TMC7: variants seen among roughly 807,000 people sequenced by gnomAD.
The protein encoded by TMC7 is transmembrane channel-like protein 7.
A neutral mutation model predicts 82.9 loss-of-function variants in TMC7; 54 were observed. That is an observed-to-expected ratio of 0.65 (90% CI 0.52 to 0.82). The LOEUF is 0.82. Among genes scored for constraint, TMC7 ranks in the 40% least tolerant of loss-of-function variants. The pLI is 0.00. For synonymous variants in TMC7, 350 were observed against 337.9 expected, an observed-to-expected ratio of 1.04 and a Z score of -0.39; for missense variants, 820 against 901.2, an observed-to-expected ratio of 0.91 and a Z score of 1.15.
chr16:19,048,919 T>G (rs1002909176), intron 12 of TMC7, among the ~76,000 whole-genome samples: 1 of 152,204 alleles, frequency 6.6e-6, no homozygotes, highest in Middle Eastern at 3.2e-3. Context: ...ATAATGGTGT[T>G]AGTAATAATA....
At chr16:18,986,407 A>AG (rs1461550101) in intron 1 of TMC7, among the ~76,000 whole-genome samples, 1 of 150,916 alleles carries the variant, frequency 6.6e-6, no homozygotes, top group Non-Finnish European at 1.5e-5. Context: ...AAAAAAAAAA[A>AG]AAGATGGGTA....
chr16:19,003,737 A>C (rs2039184410), intron 1 of TMC7, among the ~76,000 whole-genome samples: 1 of 88,610 alleles, frequency 1.1e-5, no homozygotes, highest in Non-Finnish European at 2.2e-5. Flanking sequence ...CTTACCCCCA[A>C]CCCTGTGCTC....
rs1960952382 is a variant in TMC7, at chr16:19,040,292, A to G, written c.1183A>G (p.Ile395Val). ...VFSQEHMKKEIDKMVFGENLF... is the reference protein window; with the variant it reads ...VFSQEHMKKEVDKMVFGENLF... Reference sequence around the variant, plus strand: ...ATAAGTTTTGTTATCCTCCTAGGAAATCGACAAGATGGTTTTTGGAGAGAA... The same window carrying G: ...ATAAGTTTTGTTATCCTCCTAGGAAGTCGACAAGATGGTTTTTGGAGAGAA... The change falls in exon 9 of 16, where the codon ATC becomes GTC. Residue 395 changes from isoleucine (I) to valine (V), a missense_variant. Ile to Val is a conservative substitution (Grantham distance 29). This residue lies in a region of TMC7 where 650 missense variants were observed against 669.9 expected (regional missense o/e 0.97). Coordinates refer to ENST00000304381, the MANE Select transcript of TMC7 (RefSeq NM_024847.4). 5 of 1,613,150 alleles carry G rather than the reference A, an allele frequency of 3.1e-6. No individual in the cohort carries two copies. The highest frequency in any genetic ancestry group is 3.4e-6 in the Non-Finnish European group (4 of 1,179,776).
At chr16:19,005,925 CA>C (rs2039232120) in intron 1 of TMC7, among the ~76,000 whole-genome samples, 1 of 152,168 alleles carries the variant, frequency 6.6e-6, no homozygotes, top group African/African-American at 2.4e-5. Flanking sequence ...GGGCCCCAGC[CA>C]CGTGTCCATG....
chr16:19,019,331 T>C (rs115015925), intron 3 of TMC7, among the ~76,000 whole-genome samples: 2,037 of 152,342 alleles, frequency 0.013, 38 homozygotes, highest in African/African-American at 0.045. Flanking sequence ...TACCTTTTTA[T>C]TGTTGTTTTA....
At chr16:19,007,883 G>T (rs1197519477) in intron 1 of TMC7, among the ~76,000 whole-genome samples, 2 of 151,454 alleles carry the variant, frequency 1.3e-5, no homozygotes, top group Non-Finnish European at 2.9e-5. Flanking sequence ...TAACTGCCGC[G>T]TGAGTAGGGC....
At chr16:19,002,627 A>C (rs1362962996) in intron 1 of TMC7, among the ~76,000 whole-genome samples, 1 of 152,156 alleles carries the variant, frequency 6.6e-6, no homozygotes, top group African/African-American at 2.4e-5. Context: ...TGGCAGAAAA[A>C]TTGGCTATGC....
At chr16:19,027,583 A>G (rs912517698) in intron 5 of TMC7, among the ~76,000 whole-genome samples, 1 of 152,108 alleles carries the variant, frequency 6.6e-6, no homozygotes, top group African/African-American at 2.4e-5. Context: ...TTTCCCCTGT[A>G]ATTGTTACAT....
intron 1 of TMC7, among the ~76,000 whole-genome samples, chr16:18,988,356 T>C (rs551328144): frequency 1.1e-4 from 16 of 151,588 alleles, no homozygotes; most frequent in African/African-American, 3.9e-4. Flanking sequence ...TACTTCACCA[T>C]GTTGGCCAGG....
At chr16:19,037,681 A>C (rs1371617212) in intron 7 of TMC7, among the ~76,000 whole-genome samples, 193 bp from the exon 8 acceptor site, 3 of 151,976 alleles carry the variant, frequency 2.0e-5, no homozygotes, top group Non-Finnish European at 4.4e-5. Context: ...CTATGTTGCC[A>C]GGGTTGGTCT....
intron 6 of TMC7, 109 bp downstream of exon 6, chr16:19,030,478 T>C (rs1435567516): frequency 1.6e-6 from 2 of 1,275,886 alleles, no homozygotes; most frequent in Non-Finnish European, 2.1e-6. Context: ...AGTCCAATGA[T>C]GGGTTTTGTG....
In TMC7 at chr16:19,044,109, C is replaced by CCACCCAACTGGG. The variant is rs1961147825; in HGVS notation, c.1338-774_1338-773insACCCAACTGGGC. On this transcript the variant is annotated intron_variant, in intron 9 of 15. Coordinates refer to ENST00000304381, the MANE Select transcript of TMC7 (RefSeq NM_024847.4). ...TCTTGAATTCCTGACCTCAGGTGAT[C>CCACCCAACTGGG]CCTCTGCCTCGGCCTCCCAAAATGC... Among the ~76,000 whole-genome samples the CCACCCAACTGGG allele has an allele frequency of 2.6e-5, 4 of 152,172 alleles. No individual in the cohort carries two copies. In the East Asian group the frequency reaches 7.8e-4, roughly 30 times the overall value.
chr16:19,044,147 C>A (rs1177815279), intron 9 of TMC7, among the ~76,000 whole-genome samples: 1 of 152,114 alleles, frequency 6.6e-6, no homozygotes, highest in Non-Finnish European at 1.5e-5. Flanking sequence ...GGATTACAGG[C>A]ATGAGCCACC....
intron 1 of TMC7, among the ~76,000 whole-genome samples, chr16:18,988,799 C>G (rs2038898590): frequency 6.6e-6 from 1 of 152,102 alleles, no homozygotes. Flanking sequence ...CCTGTAATCC[C>G]AGCACTCTGG....
chr16:19,044,732 C>T, intron 9 of TMC7, 152 bp from the exon 10 acceptor site: 1 of 581,118 alleles, frequency 1.7e-6, no homozygotes, highest in South Asian at 2.2e-5. Context: ...CACACCACTG[C>T]TCTCCAGCCT....
At chr16:19,044,290 C>T (rs1375272777) in intron 9 of TMC7, among the ~76,000 whole-genome samples, 1 of 152,158 alleles carries the variant, frequency 6.6e-6, no homozygotes, top group Non-Finnish European at 1.5e-5. Flanking sequence ...TGGGCTCAAG[C>T]AATCCTCTTG....
chr16:19,052,289 G>A (rs940292200), intron 13 of TMC7, among the ~76,000 whole-genome samples: 17 of 152,094 alleles, frequency 1.1e-4, no homozygotes, highest in South Asian at 2.1e-4. Context: ...AGACTCAAGC[G>A]ATCTTCTTCC....
intron 14 of TMC7, among the ~76,000 whole-genome samples, chr16:19,057,218 T>A (rs968682067): frequency 1.3e-5 from 2 of 152,108 alleles, no homozygotes; most frequent in Non-Finnish European, 2.9e-5. Flanking sequence ...TTAAGAAAGA[T>A]CACACTTAGC....
intron 9 of TMC7, among the ~76,000 whole-genome samples, chr16:19,044,473 C>T (rs767138425): frequency 5.1e-4 from 78 of 151,986 alleles, no homozygotes; most frequent in Non-Finnish European, 8.4e-4. Flanking sequence ...GGATTACAGG[C>T]GTGAGCCACT....
Sources: allele counts gnomAD v4.1 joint callset (sites outside exome capture counted in the v4.1 genomes callset), GRCh38; gene constraint gnomAD v4.1.1; regional missense constraint gnomAD v4.1.1; transcripts MANE v1.5; gene names NCBI Gene and HGNC (gene_info 2026-07-23, HGNC 2026-07-21).